Variants in ZDHHC14 observed in about 807,000 individuals in gnomAD.
The protein encoded by ZDHHC14 is zDHHC palmitoyltransferase 14.
In ZDHHC14, 16 loss-of-function variants were observed where a neutral mutation model predicts 47.7. The ratio of observed to expected loss-of-function variants is 0.34; its 90% CI spans 0.23 to 0.51. ZDHHC14 has a LOEUF of 0.51. Ranked by LOEUF, ZDHHC14 falls within the 20% of genes least tolerant of loss-of-function variation. ZDHHC14 has a pLI of 0.97. For synonymous variants in ZDHHC14, 293 were observed against 278.9 expected (o/e 1.05, Z -0.50); for missense variants, 515 against 662.5 (o/e 0.78, Z 2.44).
chr6:157,416,002 G>A (rs1197750505), intron 1 of ZDHHC14, among the ~76,000 whole-genome samples: 5 of 152,126 alleles, frequency 3.3e-5, no homozygotes, highest in Admixed American at 2.0e-4. Context: ...CATGCAAGCT[G>A]GGCTTTAAAA....
At chr6:157,557,375 T>A (rs1330314173) in intron 2 of ZDHHC14, among the ~76,000 whole-genome samples, 1 of 152,060 alleles carries the variant, frequency 6.6e-6, no homozygotes, top group Admixed American at 6.6e-5. Context: ...TTGGTAGGGG[T>A]GCCTGTTCTG....
At position 157,645,616 on chromosome 6, in the gene ZDHHC14, T is replaced by C. The variant is rs1583066209; in HGVS notation, c.753-121T>C. Reference sequence around the variant, plus strand: ...GAGCAGGAAGCAAGGCAAGGCCGGGTGAGAGAGAGGCCAGCAACTAGAGAG... The same window carrying C: ...GAGCAGGAAGCAAGGCAAGGCCGGGCGAGAGAGAGGCCAGCAACTAGAGAG... On this transcript the variant is annotated intron_variant, in intron 5 of 8. Transcript: ENST00000359775. The C allele has an allele frequency of 3.1e-5, 22 of 706,818 alleles. No individual in the cohort carries two copies. The South Asian group carries it at 4.2e-4, about 13-fold the overall frequency. 43.8% of individuals were successfully genotyped at this position (706,818 alleles called of 1,614,324 possible).
chr6:157,548,764 G>A (rs9457760), intron 2 of ZDHHC14, among the ~76,000 whole-genome samples: 101,703 of 152,128 alleles, frequency 0.67, 34,854 homozygotes, highest in African/African-American at 0.83. Context: ...GTTCTTGACC[G>A]TCACTGTGAT....
intron 1 of ZDHHC14, among the ~76,000 whole-genome samples, chr6:157,531,314 A>G (rs1781357912): frequency 6.6e-6 from 1 of 152,040 alleles, no homozygotes; most frequent in Non-Finnish European, 1.5e-5. Flanking sequence ...ATGCCGTTCC[A>G]GAGTCCAGTC....
intron 5 of ZDHHC14, 135 bp downstream of exon 5, chr6:157,633,017 T>C: frequency 1.1e-6 from 1 of 907,870 alleles, no homozygotes. Flanking sequence ...TCCCTCAGAT[T>C]CACTGGCACG....
intron 1 of ZDHHC14, among the ~76,000 whole-genome samples, chr6:157,540,908 G>GTATATATATATATATATATATATA (rs1200618040): frequency 7.6e-5 from 10 of 131,532 alleles, no homozygotes; most frequent in African/African-American, 3.8e-4. Context: ...GTGTGTGTGT[G>GTATATATATATATATATATATATA]TGTATATATA....
At chr6:157,519,482 A>G (rs571273906) in intron 1 of ZDHHC14, among the ~76,000 whole-genome samples, 1 of 152,240 alleles carries the variant, frequency 6.6e-6, no homozygotes, top group East Asian at 1.9e-4. Flanking sequence ...AGATGAGCTC[A>G]TGGGAGAAGT....
chr6:157,632,055 A>G (rs1374872145), intron 4 of ZDHHC14: 4 of 152,198 alleles, frequency 2.6e-5, no homozygotes, highest in Non-Finnish European at 5.9e-5. Context: ...ACCCCCTGCC[A>G]CTGAGTCCCA....
At chr6:157,593,985 G>A (rs896443268) in intron 3 of ZDHHC14, among the ~76,000 whole-genome samples, 4 of 152,186 alleles carry the variant, frequency 2.6e-5, no homozygotes, top group Admixed American at 1.3e-4. Context: ...TGCCTCTAGC[G>A]GAAGTGACCA....
At chr6:157,618,220 G>A (rs563898293) in intron 3 of ZDHHC14, among the ~76,000 whole-genome samples, 3 of 152,312 alleles carry the variant, frequency 2.0e-5, no homozygotes, top group Admixed American at 6.5e-5. Flanking sequence ...CACTGCTCAC[G>A]TGGAGCTTAT....
At chr6:157,421,077 T>A (rs1381617885) in intron 1 of ZDHHC14, among the ~76,000 whole-genome samples, 1 of 151,986 alleles carries the variant, frequency 6.6e-6, no homozygotes, top group African/African-American at 2.4e-5. Flanking sequence ...TTGTAGCAAA[T>A]CCTCAGTGTT....
At position 157,641,490 on chromosome 6, in the gene ZDHHC14, A is replaced by G. The variant is rs570845151; in HGVS notation, c.753-4247A>G. On this transcript the variant is annotated intron_variant, in intron 5 of 8. Transcript: ENST00000359775. ...ACCTCTCTTTATGTTCATGGGCCTT[A>G]TTTTTTCTTATCACAATGTATGCCA... is the stretch of plus-strand genomic sequence containing the variant. Among the ~76,000 whole-genome samples, 8 of 151,938 alleles carry G rather than the reference A, an allele frequency of 5.3e-5. No individual in the cohort carries two copies. The South Asian group carries it at 1.5e-3, about 28-fold the overall frequency.
intron 3 of ZDHHC14, among the ~76,000 whole-genome samples, chr6:157,595,839 C>T (rs566565598): frequency 2.1e-4 from 32 of 152,262 alleles, no homozygotes; most frequent in Non-Finnish European, 4.1e-4. Context: ...ATCAAAGTCA[C>T]GGTGGCCACC....
intron 1 of ZDHHC14, among the ~76,000 whole-genome samples, chr6:157,462,588 T>C (rs1199580355): frequency 6.6e-6 from 1 of 152,256 alleles, no homozygotes; most frequent in East Asian, 1.9e-4. Flanking sequence ...TGGTATTCTC[T>C]GGCTTCAGAG....
rs1371087629 is a variant in ZDHHC14, at chr6:157,645,685, T to A, written c.753-52T>A. ...GTTTCGGTTCCAGGCCTCCATCACA[T>A]CCACTTCTTGCGCGGTCCCTCACTT... is the stretch of plus-strand genomic sequence containing the variant. On this transcript the variant is annotated intron_variant, in intron 5 of 8. Transcript: ENST00000359775. The A allele has an allele frequency of 2.0e-6, 3 of 1,485,214 alleles. No homozygotes were observed. In the Admixed American group the frequency reaches 5.2e-5, roughly 26 times the overall value. The allele number at this position is 1,485,214 out of a possible 1,614,324, so 92.0% of individuals were successfully genotyped here.
intron 2 of ZDHHC14, among the ~76,000 whole-genome samples, chr6:157,556,486 G>A (rs537807727): frequency 3.3e-5 from 5 of 152,250 alleles, no homozygotes; most frequent in African/African-American, 7.2e-5. Flanking sequence ...CTGCCTGGCC[G>A]CTGAGCTCAT....
chr6:157,605,875 C>G (rs1784522164), intron 3 of ZDHHC14, among the ~76,000 whole-genome samples: 1 of 152,212 alleles, frequency 6.6e-6, no homozygotes. Context: ...CCTATAAAGG[C>G]TTTTGAAGAC....
At chr6:157,629,597 T>A (rs2114953538) in intron 4 of ZDHHC14, 1 of 152,332 alleles carries the variant, frequency 6.6e-6, no homozygotes, top group East Asian at 1.9e-4. Context: ...ATTGGGCCGT[T>A]AAATGGAACA....
chr6:157,489,154 A>C (rs1002212187), intron 1 of ZDHHC14, among the ~76,000 whole-genome samples: 1 of 152,230 alleles, frequency 6.6e-6, no homozygotes, highest in African/African-American at 2.4e-5. Flanking sequence ...TATTCCTGAA[A>C]ACTCACAGGG....
Sources: allele counts gnomAD v4.1 joint callset (sites outside exome capture counted in the v4.1 genomes callset), GRCh38; gene constraint gnomAD v4.1.1; transcripts MANE v1.5; gene names NCBI Gene and HGNC (gene_info 2026-07-23, HGNC 2026-07-21).